The following GGNBP2 variants were observed in gnomAD, a reference collection of about 807,000 sequenced individuals.
GGNBP2 encodes gametogenetin-binding protein 2.
A neutral mutation model predicts 85.9 loss-of-function variants in GGNBP2; 10 were observed. The ratio of observed to expected loss-of-function variants is 0.12; its 90% CI spans 0.07 to 0.20. The LOEUF (loss-of-function observed/expected upper bound fraction) is 0.20, where lower values mean the gene tolerates loss of function less well. Ranked by LOEUF, GGNBP2 falls within the 10% of genes least tolerant of loss-of-function variation. The pLI is 1.00. For missense variants in GGNBP2, 595 were observed against 857.8 expected, an observed-to-expected ratio of 0.69 and a Z score of 3.83; for synonymous variants, 287 against 285.7, an observed-to-expected ratio of 1.00 and a Z score of -0.05.
chr17:36,560,197 A>T (rs1289475894), intron 4 of GGNBP2, among the ~76,000 whole-genome samples: 1 of 152,068 alleles, frequency 6.6e-6, no homozygotes, highest in Non-Finnish European at 1.5e-5. Flanking sequence ...GCCTCAAGTG[A>T]TCCTCTTACC....
At chr17:36,579,120 G>A (rs1052933150) in intron 7 of GGNBP2, 125 bp from the exon 8 acceptor site, 2 of 730,898 alleles carry the variant, frequency 2.7e-6, no homozygotes, top group East Asian at 2.5e-5. Context: ...TACGTTGAGT[G>A]TAAATGTATA....
chr17:36,582,748 T>G (rs1045769219), intron 9 of GGNBP2, among the ~76,000 whole-genome samples: 1 of 152,192 alleles, frequency 6.6e-6, no homozygotes, highest in Non-Finnish European at 1.5e-5. Context: ...TAGATCAAAG[T>G]CAAAATATAG....
At chr17:36,550,923 T>G (rs1330213646) in intron 2 of GGNBP2, among the ~76,000 whole-genome samples, 2 of 152,334 alleles carry the variant, frequency 1.3e-5, no homozygotes, top group African/African-American at 4.8e-5. Flanking sequence ...CTTTTTATTT[T>G]CATCTCTTAA....
intron 6 of GGNBP2, chr17:36,576,754 A>G (rs1458519747): frequency 6.6e-6 from 1 of 150,438 alleles, no homozygotes; most frequent in Non-Finnish European, 1.5e-5. Context: ...ACAAGAAAGA[A>G]TGAATACTAG....
In GGNBP2 at chr17:36,575,629, TA is replaced by T. The variant is rs1567829573; in HGVS notation, c.642-2353del. Among the ~76,000 whole-genome samples the T allele has an allele frequency of 2.0e-3, 87 of 42,908 alleles. 2 individuals carry two copies. The highest frequency in any genetic ancestry group is 4.1e-3 in the African/African-American group (39 of 9,580). 28.1% of individuals were successfully genotyped at this position (42,908 alleles called of 152,430 possible). ...CTAATGTAACATATATATATATATATATATATATATATATATATATTTTTTT... is the reference window on the plus strand; with the variant it reads ...CTAATGTAACATATATATATATATATTATATATATATATATATATTTTTTT... On this transcript the variant is annotated intron_variant, in intron 6 of 13. Coordinates refer to ENST00000613102, the MANE Select transcript of GGNBP2 (RefSeq NM_024835.5).
intron 8 of GGNBP2, 132 bp downstream of exon 8, chr17:36,579,551 G>A (rs2074624793): frequency 2.7e-6 from 2 of 746,862 alleles, no homozygotes; most frequent in East Asian, 2.6e-5. Flanking sequence ...GCTGGATATT[G>A]TTACATGGCT....
At chr17:36,570,872 T>G (rs144555819) in intron 6 of GGNBP2, among the ~76,000 whole-genome samples, 40 of 151,714 alleles carry the variant, frequency 2.6e-4, no homozygotes, top group African/African-American at 7.5e-4. Context: ...ATACATAAAT[T>G]AGCCAGGCAT....
At chr17:36,573,797 CAT>C (rs2074549855) in intron 6 of GGNBP2, among the ~76,000 whole-genome samples, 2 of 152,088 alleles carry the variant, frequency 1.3e-5, no homozygotes, top group South Asian at 4.1e-4. Context: ...AGCATCTTTT[CAT>C]ATGTTTGCTG....
At chr17:36,554,351 A>AT (rs2074340160) in intron 2 of GGNBP2, among the ~76,000 whole-genome samples, 1 of 102,642 alleles carries the variant, frequency 9.7e-6, no homozygotes, top group East Asian at 3.1e-4. Context: ...TATGTACTTG[A>AT]ATTTTTTTTT....
intron 5 of GGNBP2, among the ~76,000 whole-genome samples, chr17:36,562,383 G>A (rs2074425896): frequency 6.6e-6 from 1 of 151,750 alleles, no homozygotes; most frequent in Admixed American, 6.6e-5. Flanking sequence ...TGCCCAGGCT[G>A]ATCTCAAACT....
At chr17:36,584,447 C>T (rs558352365) in intron 9 of GGNBP2, among the ~76,000 whole-genome samples, 5 of 152,246 alleles carry the variant, frequency 3.3e-5, no homozygotes, top group African/African-American at 4.8e-5. Flanking sequence ...AAGCAATTCT[C>T]CTGCCTCAGC....
chr17:36,559,407 A>G (rs2074395772), intron 4 of GGNBP2, among the ~76,000 whole-genome samples: 1 of 151,566 alleles, frequency 6.6e-6, no homozygotes, highest in African/African-American at 2.4e-5. Flanking sequence ...GCTAAGTTTG[A>G]GATAGCGATT....
intron 2 of GGNBP2, among the ~76,000 whole-genome samples, chr17:36,548,063 T>A (rs2074271323): frequency 6.6e-6 from 1 of 152,206 alleles, no homozygotes; most frequent in South Asian, 2.1e-4. Flanking sequence ...TAGATGGCAG[T>A]GGATGCCTGA....
chr17:36,546,099 G>GCAAA, intron 2 of GGNBP2: 1 of 443,420 alleles, frequency 2.3e-6, no homozygotes, highest in Non-Finnish European at 4.0e-6. Context: ...CGCTGCTTTT[G>GCAAA]TCAAAGCACA....
chr17:36,545,389 C>T, intron 1 of GGNBP2: 1 of 237,730 alleles, frequency 4.2e-6, no homozygotes, highest in South Asian at 1.2e-4. Context: ...CCTTTGGACC[C>T]TGACTGGAGG....
At chr17:36,580,193 CTTTCTTTTCT>C (rs200097299) in intron 8 of GGNBP2, among the ~76,000 whole-genome samples, 1 of 149,076 alleles carries the variant, frequency 6.7e-6, no homozygotes, top group African/African-American at 2.5e-5. Context: ...ATTTTTCTTT[CTTTCTTTTCT>C]TTTCTTTTCT....
chr17:36,581,443 C>T lies in GGNBP2; in HGVS notation c.1120C>T (p.Arg374Cys). The change falls in exon 9 of 14, where the codon CGC becomes TGC. Residue 374 changes from arginine to cysteine, a missense_variant. By Grantham distance (180) the Arg-to-Cys change is radical (BLOSUM62 -3). Around this residue, in one of 9 missense-constraint regions of GGNBP2, gnomAD observed 92 missense variants for 183.9 expected, o/e 0.50. Transcript: ENST00000613102. ...AAGAGAACTCAAGCAAGAAAAGAAACGCCAAAAACGGAAGAATAGACGAAA... is the reference window on the plus strand; with the variant it reads ...AAGAGAACTCAAGCAAGAAAAGAAATGCCAAAAACGGAAGAATAGACGAAA... ...RVRELKQEKK[R>C]QKRKNRRKNK... 2.5e-6 allele frequency: 4 copies of T among 1,613,452 alleles called. No individual in the cohort carries two copies. The highest frequency in any genetic ancestry group is 3.4e-6 in the Non-Finnish European group (4 of 1,179,514).
chr17:36,578,229 G>A, intron 7 of GGNBP2, 43 bp downstream of exon 7: 4 of 1,438,754 alleles, frequency 2.8e-6, no homozygotes, highest in Non-Finnish European at 3.8e-6. Flanking sequence ...CTAGCGCTTT[G>A]CTTCATTTTA....
At position 36,579,344 on chromosome 17, in the gene GGNBP2, G is replaced by A. The variant is rs746170945; in HGVS notation, c.945G>A (p.Gln315=). Residue 315 remains glutamine, a synonymous_variant, in exon 8 of 14, where the codon CAG becomes CAA. Transcript: ENST00000613102. ...HLYERLHRIW[Q]KLRAEEQTWQ... is the part of the protein sequence containing the mutation. ...ATGAAAGACTGCATCGAATCTGGCA[G>A]AAGCTACGGGCAGAAGAGCAGACAT... 82 of 1,614,200 alleles carry A rather than the reference G, an allele frequency of 5.1e-5. No individual in the cohort carries two copies. The highest frequency in any genetic ancestry group is 4.9e-4 in the Middle Eastern group (3 of 6,062).
Sources: allele counts gnomAD v4.1 joint callset (sites outside exome capture counted in the v4.1 genomes callset), GRCh38; gene constraint gnomAD v4.1.1; regional missense constraint gnomAD v4.1.1; transcripts MANE v1.5; gene names NCBI Gene and HGNC (gene_info 2026-07-23, HGNC 2026-07-21).